The following CPNE5 variants were observed in gnomAD, a reference collection of about 807,000 sequenced individuals.
CPNE5 encodes copine 5.
CPNE5 carries 42 observed loss-of-function variants against 81.1 expected under a neutral mutation model. The observed-to-expected ratio is 0.52, with a 90% CI of 0.40 to 0.67. CPNE5 has a LOEUF of 0.67. Ranked by LOEUF, CPNE5 falls within the 30% of genes least tolerant of loss-of-function variation. CPNE5 has a pLI of 0.00. For missense variants in CPNE5, 612 were observed against 815.5 expected (o/e 0.75, Z 3.04); for synonymous variants, 313 against 321.5 (o/e 0.97, Z 0.28).
chr6:36,753,364 C>T (rs1463188378), intron 13 of CPNE5, among the ~76,000 whole-genome samples: 1 of 152,230 alleles, frequency 6.6e-6, no homozygotes, highest in Non-Finnish European at 1.5e-5. Flanking sequence ...GACTTCAGAG[C>T]CTGCACTCTT....
At position 36,748,220 on chromosome 6, in the gene CPNE5, C is replaced by A. The variant is rs763062624; in HGVS notation, c.1018+1G>T. 1 of 1,614,032 alleles carries A rather than the reference C, an allele frequency of 6.2e-7. No homozygotes were observed. Among genetic ancestry groups the A allele is most frequent in the Non-Finnish European group, 8.5e-7 (1 of 1,179,892 alleles). On this transcript the variant is annotated splice_donor_variant, in intron 15 of 20. Coordinates refer to ENST00000244751, the MANE Select transcript of CPNE5 (RefSeq NM_020939.2). LOFTEE classifies it high-confidence loss of function. ...GCTCCTCTACCCATCCCCCAACTCA[C>A]CATTGGAGGCAGTGAAATCAATGGC... is the stretch of plus-strand genomic sequence containing the variant.
chr6:36,784,517 G>A (rs1028310052), intron 8 of CPNE5, among the ~76,000 whole-genome samples: 4 of 152,238 alleles, frequency 2.6e-5, no homozygotes, highest in Non-Finnish European at 4.4e-5. Context: ...AACCCAAGAA[G>A]AGGCTGGAGA....
Position 36,746,709 on chromosome 6 carries a change from C to T in CPNE5, c.1019-132G>A, listed in dbSNP as rs186567657. 3 of 755,162 alleles carry T rather than the reference C, an allele frequency of 4.0e-6. No individual in the cohort carries two copies. Among genetic ancestry groups the T allele is most frequent in the African/African-American group, 3.7e-5 (2 of 54,126 alleles). The allele number at this position is 755,162 out of a possible 1,614,324, so 46.8% of individuals were successfully genotyped here. A position where few individuals can be genotyped will look rare whatever the true frequency, so the allele number is the denominator to read the frequency against. ...CTTGACTCCTCTCTTTCTCTCATAC[C>T]CCATGTTAAATCCTTCAGCAAAACA... On this transcript the variant is annotated intron_variant, in intron 15 of 20. Coordinates refer to ENST00000244751, the MANE Select transcript of CPNE5 (RefSeq NM_020939.2). This position sits in a 1 kb window ranked among gnomAD's most constrained non-coding sequence, Gnocchi z 4.5.
chr6:36,781,531 C>T (rs1582864012), intron 8 of CPNE5, among the ~76,000 whole-genome samples: 1 of 152,122 alleles, frequency 6.6e-6, no homozygotes, highest in Non-Finnish European at 1.5e-5. Context: ...CAGAAAAGTC[C>T]CTAGGCTTCT....
intron 8 of CPNE5, among the ~76,000 whole-genome samples, chr6:36,786,669 C>T (rs1035496200): frequency 2.0e-5 from 3 of 152,120 alleles, no homozygotes; most frequent in Non-Finnish European, 2.9e-5. Context: ...TAAATTATAG[C>T]CCATCCATAC....
chr6:36,764,875 G>A (rs1449688838), intron 11 of CPNE5, among the ~76,000 whole-genome samples: 1 of 152,172 alleles, frequency 6.6e-6, no homozygotes, highest in East Asian at 1.9e-4. Flanking sequence ...TAGGTTGTGG[G>A]GAGTCTCTGA....
At chr6:36,827,401 G>A (rs529738498) in intron 1 of CPNE5, 59 of 985,266 alleles carry the variant, frequency 6.0e-5, no homozygotes, top group Non-Finnish European at 6.7e-5. Context: ...CTGCCCCGGG[G>A]TATAAAATGG....
At chr6:36,800,134 G>GGA in intron 3 of CPNE5, 64 bp from the exon 4 acceptor site, 1 of 1,151,926 alleles carries the variant, frequency 8.7e-7, no homozygotes, top group East Asian at 2.4e-5. Flanking sequence ...GTGGGGCAGG[G>GGA]GAGAGCACTG....
chr6:36,747,790 A>T (rs1234028835), intron 15 of CPNE5, among the ~76,000 whole-genome samples: 1 of 152,260 alleles, frequency 6.6e-6, no homozygotes, highest in Non-Finnish European at 1.5e-5. Context: ...GGGCAGCCCC[A>T]GCCAGGTAAG....
Position 36,744,312 on chromosome 6 carries a change from G to C in CPNE5, c.1445C>G (p.Pro482Arg). 1.9e-6 allele frequency: 3 copies of C among 1,583,438 alleles called. No individual in the cohort carries two copies. The highest frequency in any genetic ancestry group is 2.6e-6 in the Non-Finnish European group (3 of 1,165,392). ...KEAIVNAAKL[P>R]MSIIIVGVGQ... is the part of the protein sequence containing the mutation. ...CACGCCGACGATAATGATGGACATG[G>C]GGAGCTTGGCAGCCTGGGAGACAGC... Residue 482 changes from proline (P) to arginine (R), a missense_variant, in exon 19 of 21, where the codon CCC (proline) becomes CGC (arginine). Transcript: ENST00000244751.
At chr6:36,763,552 G>A (rs1228737018) in intron 11 of CPNE5, among the ~76,000 whole-genome samples, 2 of 148,532 alleles carry the variant, frequency 1.3e-5, no homozygotes, top group African/African-American at 5.0e-5. Flanking sequence ...GCTGTGAGCT[G>A]AGATTGTGTC....
Position 36,766,494 on chromosome 6 carries a change from C to A in CPNE5, c.738-1118G>T, listed in dbSNP as rs937490421. ...CTGTACAATGAGGCAGGCATGGAAG[C>A]CCACCATTTAAAGGAATCCTTTAGA... On this transcript the variant is annotated intron_variant, in intron 10 of 20. Coordinates refer to ENST00000244751, the MANE Select transcript of CPNE5 (RefSeq NM_020939.2). This position sits in a 1 kb window ranked among gnomAD's most constrained non-coding sequence, Gnocchi z 4.2. Among the ~76,000 whole-genome samples, 4 of 152,160 alleles carry A rather than the reference C, an allele frequency of 2.6e-5. No homozygotes were observed. The highest frequency in any genetic ancestry group is 6.5e-5 in the Admixed American group (1 of 15,274).
At chr6:36,772,638 G>A (rs1767138518) in intron 10 of CPNE5, among the ~76,000 whole-genome samples, 1 of 152,202 alleles carries the variant, frequency 6.6e-6, no homozygotes, top group Non-Finnish European at 1.5e-5. Context: ...GTGACCACCT[G>A]TGGAACAGAC....
rs1362905382 is a variant in CPNE5, at chr6:36,746,074, C to T, written c.1200+322G>A. 2 of 728,956 alleles carry T rather than the reference C, an allele frequency of 2.7e-6. No individual in the cohort carries two copies. Among genetic ancestry groups the T allele is most frequent in the Non-Finnish European group, 1.7e-6 (1 of 595,768 alleles). The allele number at this position is 728,956 out of a possible 1,614,324, so 45.2% of individuals were successfully genotyped here. ...TCAGCACTGACTCAGGGATACCCAACCCACACCACCTTGTTCACTTTTCTG... is the reference window on the plus strand; with the variant it reads ...TCAGCACTGACTCAGGGATACCCAATCCACACCACCTTGTTCACTTTTCTG... On this transcript the variant is annotated intron_variant, in intron 16 of 20. Coordinates refer to ENST00000244751, the MANE Select transcript of CPNE5 (RefSeq NM_020939.2). The surrounding 1 kb of genome is among the most constrained non-coding windows in gnomAD (Gnocchi z 4.5).
chr6:36,756,586 C>T (rs1765494639), intron 12 of CPNE5, among the ~76,000 whole-genome samples: 1 of 152,204 alleles, frequency 6.6e-6, no homozygotes, highest in Non-Finnish European at 1.5e-5. Flanking sequence ...GCACCCTCCA[C>T]CCAGTATAGC....
chr6:36,827,935 G>A (rs1772649936), intron 1 of CPNE5, among the ~76,000 whole-genome samples: 1 of 152,014 alleles, frequency 6.6e-6, no homozygotes, highest in African/African-American at 2.4e-5. Context: ...CTGGAGCTTG[G>A]CTTCTTTTGT....
At chr6:36,792,921 C>T (rs1387429603) in intron 7 of CPNE5, among the ~76,000 whole-genome samples, 2 of 152,088 alleles carry the variant, frequency 1.3e-5, no homozygotes, top group Admixed American at 6.5e-5. Flanking sequence ...AGGAAAATGT[C>T]GGCTTGTCCA....
At chr6:36,804,634 C>T (rs1275950174) in intron 3 of CPNE5, among the ~76,000 whole-genome samples, 1 of 152,174 alleles carries the variant, frequency 6.6e-6, no homozygotes, top group African/African-American at 2.4e-5. Flanking sequence ...AAGGAGCAGA[C>T]ATCCTATATG....
chr6:36,825,851 T>C (rs1561825267), intron 1 of CPNE5, among the ~76,000 whole-genome samples: 1 of 152,160 alleles, frequency 6.6e-6, no homozygotes, highest in Non-Finnish European at 1.5e-5. Context: ...CTGAAAGTGA[T>C]AAGGAGGAGG....
Sources: allele counts gnomAD v4.1 joint callset (sites outside exome capture counted in the v4.1 genomes callset), GRCh38; gene constraint gnomAD v4.1.1; non-coding constraint Gnocchi (gnomAD v3.1); transcripts MANE v1.5; gene names NCBI Gene and HGNC (gene_info 2026-07-23, HGNC 2026-07-21).